Variants in SPRY4 observed in about 807,000 individuals in gnomAD.
SPRY4 encodes the protein sprouty RTK signaling antagonist 4.
SPRY4 carries 7 observed loss-of-function variants against 17.0 expected under a neutral mutation model. The observed-to-expected ratio is 0.41, with a 90% CI of 0.23 to 0.77. SPRY4 has a LOEUF of 0.77. SPRY4 is among the 30% of genes least tolerant of loss of function. SPRY4 has a pLI of 0.32. For missense variants in SPRY4, 435 were observed against 419.9 expected (o/e 1.04, Z -0.31); for synonymous variants, 183 against 174.1 (o/e 1.05, Z -0.40).
chr5:142,322,482 AAAT>A (rs1380304291), intron 1 of SPRY4, among the ~76,000 whole-genome samples: 1 of 129,724 alleles, frequency 7.7e-6, no homozygotes, highest in African/African-American at 2.6e-5. Flanking sequence ...GAAAAAAAAA[AAAT>A]ATATATATAT....
intron 1 of SPRY4, among the ~76,000 whole-genome samples, chr5:142,322,427 C>T (rs1759372543): frequency 6.7e-6 from 1 of 149,698 alleles, no homozygotes; most frequent in South Asian, 2.1e-4. Context: ...GCCAAGATCG[C>T]GCAACTGCAC....
chr5:142,316,772 G>A lies in SPRY4; in HGVS notation c.-47-1617C>T, dbSNP rs188948995. On this transcript the variant is annotated intron_variant, in intron 1 of 1. Coordinates refer to ENST00000434127, the MANE Select transcript of SPRY4 (RefSeq NM_001127496.3). The stretch of plus-strand genomic sequence containing the variant: ...AGGGGATAAAAAGGGGGCTATCCAC[G>A]GGGCTCCAGTATGTATATCACTTAC... 1.3e-3 allele frequency among the ~76,000 whole-genome samples: 204 copies of A among 152,302 alleles called. 1 individual carries two copies. The highest frequency in any genetic ancestry group is 0.011 in the Admixed American group (173 of 15,302).
intron 1 of SPRY4, among the ~76,000 whole-genome samples, chr5:142,321,900 G>A (rs1759354149): frequency 1.3e-5 from 2 of 152,338 alleles, no homozygotes; most frequent in South Asian, 2.1e-4. Flanking sequence ...ATTCAGCCCT[G>A]TAAACTGGAA....
In SPRY4 at chr5:142,315,128, T is replaced by C. The variant is rs1349328978; in HGVS notation, c.-20A>G. On this transcript the variant is annotated 5_prime_UTR_variant, in exon 2 of 2. Coordinates refer to ENST00000434127, the MANE Select transcript of SPRY4 (RefSeq NM_001127496.3). Reference sequence around the variant, plus strand: ...CTCCATGGGGCTGGAGGTCCTGGACTGTACGGAGAAACAGGCTTCTAGGGG... The same window carrying C: ...CTCCATGGGGCTGGAGGTCCTGGACCGTACGGAGAAACAGGCTTCTAGGGG... 2.5e-6 allele frequency: 4 copies of C among 1,599,982 alleles called. No homozygotes were observed. Among genetic ancestry groups the C allele is most frequent in the Non-Finnish European group, 2.5e-6 (3 of 1,177,182 alleles).
chr5:142,314,402 G>A lies in SPRY4; in HGVS notation c.707C>T (p.Ser236Phe). 6.2e-7 allele frequency: 1 copy of A among 1,614,002 alleles called. No homozygotes were observed. ...CACCACGGAGAGAGCACCCATGAAGGACCAGCGGGCGCAGCAGTTGGAGCG... is the reference window on the plus strand; with the variant it reads ...CACCACGGAGAGAGCACCCATGAAGAACCAGCGGGCGCAGCAGTTGGAGCG... ...CSRSNCCARW[S>F]FMGALSVVLP... is the part of the protein sequence containing the mutation. The change falls in exon 2 of 2, where the codon TCC becomes TTC. Residue 236 changes from serine (S) to phenylalanine (F), a missense_variant. Transcript: ENST00000434127. The surrounding 1 kb of genome is among the most constrained non-coding windows in gnomAD (Gnocchi z 4.8).
intron 1 of SPRY4, among the ~76,000 whole-genome samples, chr5:142,321,363 C>T (rs893317959): frequency 2.6e-5 from 4 of 152,188 alleles, no homozygotes; most frequent in Non-Finnish European, 5.9e-5. Flanking sequence ...GCAGGTTTGC[C>T]TAGTCACACA....
At chr5:142,320,640 AAAG>A (rs1368743560) in intron 1 of SPRY4, among the ~76,000 whole-genome samples, 5 of 152,308 alleles carry the variant, frequency 3.3e-5, no homozygotes, top group South Asian at 4.1e-4. Context: ...AAGAGTCAGT[AAAG>A]AAGGAGTCAG....
rs1028535605 is a variant in SPRY4, at chr5:142,312,233, C to T, written c.*1976G>A. On this transcript the variant is annotated 3_prime_UTR_variant, in exon 2 of 2. Transcript: ENST00000434127. ...TGGCTGAATGTGTGTTTTTTTCTAC[C>T]ACTCCTTCTGAAATGTTCAAGAACA... is the stretch of plus-strand genomic sequence containing the variant. The T allele has an allele frequency of 6.6e-6, 1 of 152,438 alleles. No homozygotes were observed. Among genetic ancestry groups the T allele is most frequent in the African/African-American group, 2.4e-5 (1 of 41,370 alleles). The allele number at this position is 152,438 out of a possible 1,614,324, so 9.4% of individuals were successfully genotyped here. A position where few individuals can be genotyped will look rare whatever the true frequency, so the allele number is the denominator to read the frequency against.
At chr5:142,322,898 A>G (rs1759394869) in intron 1 of SPRY4, among the ~76,000 whole-genome samples, 1 of 152,202 alleles carries the variant, frequency 6.6e-6, no homozygotes, top group African/African-American at 2.4e-5. Flanking sequence ...GAACCCTCCC[A>G]AGAGATGGGA....
chr5:142,314,315 T>A lies in SPRY4; in HGVS notation c.794A>T (p.Tyr265Phe). 6.2e-7 allele frequency: 1 copy of A among 1,613,964 alleles called. No individual in the cohort carries two copies. The highest frequency in any genetic ancestry group is 2.2e-5 in the East Asian group (1 of 44,874). Residue 265 changes from tyrosine to phenylalanine, a missense_variant, in exon 2 of 2, where the codon TAC becomes TTC. Coordinates refer to ENST00000434127, the MANE Select transcript of SPRY4 (RefSeq NM_001127496.3). This position sits in a 1 kb window ranked among gnomAD's most constrained non-coding sequence, Gnocchi z 4.8. ...GCAACCAGGGCGGCGCAGACGGTCG[T>A]AGCCACGCTGGGCCAGCTTCACGCA... ...TGCVKLAQRG[Y>F]DRLRRPGCRC...
intron 1 of SPRY4, among the ~76,000 whole-genome samples, chr5:142,322,248 G>A (rs1281181874): frequency 1.3e-5 from 2 of 152,076 alleles, no homozygotes; most frequent in East Asian, 1.9e-4. Context: ...AGAGGCCGGC[G>A]GATCATGAGC....
chr5:142,319,939 A>G, intron 1 of SPRY4: 2 of 730,970 alleles, frequency 2.7e-6, no homozygotes, highest in Non-Finnish European at 4.3e-6. Flanking sequence ...TTTGAAAGCT[A>G]CAGGTCAGCT....
chr5:142,323,334 T>A (rs1045788188), intron 1 of SPRY4, among the ~76,000 whole-genome samples: 12 of 152,192 alleles, frequency 7.9e-5, no homozygotes, highest in Admixed American at 7.2e-4. Flanking sequence ...CTCCAGTGTG[T>A]CTGGCCTCTC....
intron 1 of SPRY4, among the ~76,000 whole-genome samples, chr5:142,318,440 C>T (rs1174319028): frequency 6.6e-6 from 1 of 151,328 alleles, no homozygotes; most frequent in African/African-American, 2.4e-5. Context: ...GAGCCAATAT[C>T]GCACCACTGC....
chr5:142,321,629 C>T (rs779855953), intron 1 of SPRY4, among the ~76,000 whole-genome samples: 4 of 152,182 alleles, frequency 2.6e-5, no homozygotes, highest in Admixed American at 6.5e-5. Flanking sequence ...GAGGCCTGGG[C>T]GAGAATCCTT....
chr5:142,320,994 T>G (rs1227218402), intron 1 of SPRY4, among the ~76,000 whole-genome samples: 1 of 152,178 alleles, frequency 6.6e-6, no homozygotes, highest in Non-Finnish European at 1.5e-5. Flanking sequence ...CTTGCTTCCT[T>G]CACTGACTGG....
intron 1 of SPRY4, among the ~76,000 whole-genome samples, chr5:142,316,832 C>T (rs981043218): frequency 3.3e-5 from 5 of 152,226 alleles, no homozygotes; most frequent in Non-Finnish European, 5.9e-5. Flanking sequence ...GTCTTTTCTG[C>T]GAGGTTCAAT....
Position 142,319,865 on chromosome 5 carries a change from C to A in SPRY4, c.-47-4710G>T. 4 of 1,451,868 alleles carry A rather than the reference C, an allele frequency of 2.8e-6. No individual in the cohort carries two copies. The East Asian group carries it at 7.2e-5, about 26-fold the overall frequency. 89.9% of individuals were successfully genotyped at this position (1,451,868 alleles called of 1,614,324 possible). A position where few individuals can be genotyped will look rare whatever the true frequency, so the allele number is the denominator to read the frequency against. On this transcript the variant is annotated intron_variant, in intron 1 of 1. Transcript: ENST00000434127. ...GGATGCCTAATCCCACCCACCCACA[C>A]CCTCCCCTTGACTTACCCTAGGGAG...
rs1402258609 is a variant in SPRY4 at position 142,312,399 on chromosome 5, C to G, written c.*1810G>C. The G allele has an allele frequency of 1.3e-5, 2 of 152,570 alleles. No individual in the cohort carries two copies. Among genetic ancestry groups the G allele is most frequent in the South Asian group, 4.1e-4 (2 of 4,820 alleles). The allele number at this position is 152,570 out of a possible 1,614,324, so 9.5% of individuals were successfully genotyped here. ...CCGAAAATAATATGACCCTCCCTTC[C>G]TCCAATCAATAAATACCTATGGTTA... is the stretch of plus-strand genomic sequence containing the variant. On this transcript the variant is annotated 3_prime_UTR_variant, in exon 2 of 2. Transcript: ENST00000434127.
Sources: gnomAD v4.1 joint callset for allele counts (sites outside exome capture counted in the v4.1 genomes callset) on GRCh38, gnomAD v4.1.1 for gene constraint, Gnocchi (gnomAD v3.1) non-coding constraint, MANE v1.5 for transcripts, NCBI Gene and HGNC (gene_info 2026-07-23, HGNC 2026-07-21) for gene names.